The following PLEC variants were observed in gnomAD, a reference collection of about 807,000 sequenced individuals.
PLEC encodes plectin.
In PLEC, 216 loss-of-function variants were observed where a neutral mutation model predicts 392.8. The ratio of observed to expected loss-of-function variants is 0.55; its 90% CI spans 0.49 to 0.62. PLEC has a LOEUF of 0.62. PLEC is among the 20% of genes least tolerant of loss of function. The pLI is 0.00. For missense variants in PLEC, 6,863 were observed against 6,563.4 expected (o/e 1.05, Z -1.58); for synonymous variants, 3,621 against 2,980.6 (o/e 1.21, Z -7.00).
At position 143,921,894 on chromosome 8, in the gene PLEC, C is replaced by T. The variant is rs782555020; in HGVS notation, c.7927G>A (p.Glu2643Lys). ...CGCCGCAGGCCATCGAAGCTGTGCT[C>T]CGGCTCTGCCTCTGCCGCGGGGCCA... ...LDGPAAEAEP[E>K]HSFDGLRRKV... The change falls in exon 32 of 32, where the codon GAG (glutamate) becomes AAG (lysine). Residue 2643 changes from glutamate (E) to lysine (K), a missense_variant. By Grantham distance (56) the Glu-to-Lys change is moderately conservative. Coordinates refer to ENST00000345136, the MANE Select transcript of PLEC (RefSeq NM_201384.3). The T allele has an allele frequency of 2.5e-6, 4 of 1,600,514 alleles. No individual in the cohort carries two copies. The highest frequency in any genetic ancestry group is 1.3e-5 in the African/African-American group (1 of 74,934).
chr8:143,936,196 G>C (rs1829009375), intron 5 of PLEC, among the ~76,000 whole-genome samples, 182 bp from the exon 6 acceptor site: 1 of 152,138 alleles, frequency 6.6e-6, no homozygotes, highest in Admixed American at 6.5e-5. Context: ...GCTGGGACTG[G>C]CCATGCCTCG....
Position 143,929,736 on chromosome 8 carries a change from C to A in PLEC, c.2833G>T (p.Gly945Cys). The A allele has an allele frequency of 6.3e-7, 1 of 1,599,324 alleles. No homozygotes were observed. Among genetic ancestry groups the A allele is most frequent in the Non-Finnish European group, 8.5e-7 (1 of 1,179,028 alleles). Residue 945 changes from glycine (G) to cysteine (C), a missense_variant, in exon 23 of 32, where the codon GGC becomes TGC. Physicochemically the swap from Gly to Cys is radical, Grantham distance 159. Coordinates refer to ENST00000345136, the MANE Select transcript of PLEC (RefSeq NM_201384.3). ...ATCAGCCGGTCCTCGGGTCCGAAGC[C>A]GCCCGCGTCCTGGCTGTCCCGCAGG... Reference protein sequence around the residue: ...AFLRDSQDAGGFGPEDRLMAE... With the variant: ...AFLRDSQDAGCFGPEDRLMAE...
upstream of PLEC, chr8:143,942,417 G>A (rs1830659961): frequency 4.4e-6 from 7 of 1,606,556 alleles, no homozygotes; most frequent in Admixed American, 5.0e-5. Flanking sequence ...GCTGGTAGAG[G>A]TAGCCCCTGC....
rs1369858558 is a variant in PLEC, at chr8:143,927,529, G to A, written c.3637C>T (p.Arg1213Cys). 17 of 1,597,160 alleles carry A rather than the reference G, an allele frequency of 1.1e-5. No individual in the cohort carries two copies. The highest frequency in any genetic ancestry group is 3.3e-5 in the Admixed American group (2 of 59,832). The part of the protein sequence containing the change: ...EQLGRQLRYY[R>C]ESADPLGAWL... The stretch of plus-strand genomic sequence containing the variant: ...GCGCCCAAGGGGTCTGCACTCTCGC[G>A]GTAGTAACGCAGCTGGCGGCCCAGT... The change falls in exon 27 of 32, where the codon CGC (arginine) becomes TGC (cysteine). Residue 1213 changes from arginine to cysteine, a missense_variant. Transcript: ENST00000345136.
intron 31 of PLEC, 32 bp downstream of exon 31, chr8:143,922,472 C>T (rs1554689729): frequency 1.2e-6 from 2 of 1,602,958 alleles, no homozygotes; most frequent in Non-Finnish European, 1.7e-6. Context: ...TCCCCGGGCC[C>T]ACCCGCCCGT....
upstream of PLEC, among the ~76,000 whole-genome samples, chr8:143,956,780 A>G (rs1238335459): frequency 2.0e-5 from 3 of 152,182 alleles, no homozygotes; most frequent in Admixed American, 6.5e-5. Context: ...GCAAGTTCCC[A>G]TGAAGGAGCC....
Position 143,922,339 on chromosome 8 carries a change from G to T in PLEC, c.7482C>A (p.Ser2494Arg), listed in dbSNP as rs782036845. ...GCAGGCTGTCCTTTTCAGAGAGGAAGCTTTGCTGCAGGGCCTGCGTCTCCT... is the reference window on the plus strand; with the variant it reads ...GCAGGCTGTCCTTTTCAGAGAGGAATCTTTGCTGCAGGGCCTGCGTCTCCT... ...LLQETQALQQ[S>R]FLSEKDSLLQ... Residue 2494 changes from serine (S) to arginine (R), a missense_variant, in exon 32 of 32, where the codon AGC becomes AGA. Coordinates refer to ENST00000345136, the MANE Select transcript of PLEC (RefSeq NM_201384.3). 3.7e-6 allele frequency: 6 copies of T among 1,606,166 alleles called. No homozygotes were observed. Among genetic ancestry groups the T allele is most frequent in the Non-Finnish European group, 5.1e-6 (6 of 1,179,964 alleles).
intron 1 of PLEC, chr8:143,945,080 G>T: frequency 2.5e-6 from 1 of 403,050 alleles, no homozygotes; most frequent in Non-Finnish European, 4.8e-6. Context: ...TGCCAAGCCA[G>T]GGGGTGCTCT....
chr8:143,947,639 A>G (rs1245627260), intron 1 of PLEC, among the ~76,000 whole-genome samples: 1 of 151,636 alleles, frequency 6.6e-6, no homozygotes, highest in Non-Finnish European at 1.5e-5. Flanking sequence ...AATCCCAGCT[A>G]CTCAGGAGGC....
chr8:143,916,879 C>T lies in PLEC; in HGVS notation c.12942G>A (p.Ala4314=), dbSNP rs375246252. The change falls in exon 32 of 32, where the codon GCG becomes GCA. Residue 4314 remains alanine, a synonymous_variant. Transcript: ENST00000345136. ...CGATGATGCCCCCGGTGCAGGCCTG[C>T]GCCTCCAGCAGCCGCTGCCCCGTGA... ...DNITGQRLLE[A]QACTGGIIDP... is the part of the protein sequence containing the mutation. 6.5e-5 allele frequency: 104 copies of T among 1,608,796 alleles called. No homozygotes were observed. The highest frequency in any genetic ancestry group is 3.3e-4 in the Middle Eastern group (2 of 6,052).
chr8:143,940,407 A>C (rs1428520201), upstream of PLEC, among the ~76,000 whole-genome samples: 1 of 152,128 alleles, frequency 6.6e-6, no homozygotes, highest in African/African-American at 2.4e-5. Context: ...TGACTCACAG[A>C]GGGGAAGCCA....
intron 17 of PLEC, 31 bp downstream of exon 17, chr8:143,932,099 C>A (rs782419680): frequency 2.5e-6 from 4 of 1,588,698 alleles, no homozygotes; most frequent in Admixed American, 3.5e-5. Flanking sequence ...CGGCCCCCCC[C>A]GCAGCCCCGC....
In PLEC at chr8:143,939,390, G is replaced by T. The variant is rs782277051; in HGVS notation, c.72C>A (p.Asn24Lys). Residue 24 changes from asparagine to lysine, a missense_variant, in exon 1 of 32, where the codon AAC becomes AAA. Coordinates refer to ENST00000345136, the MANE Select transcript of PLEC (RefSeq NM_201384.3). ...LGRKRTSSEDNLYLAVLRASE... is the reference protein window; with the variant it reads ...LGRKRTSSEDKLYLAVLRASE... ...AGGCCCTGAGCACAGCCAGGTACAG[G>T]TTGTCCTCCGAGCTGGTTCTCTTTC... is the stretch of plus-strand genomic sequence containing the variant. The T allele has an allele frequency of 5.6e-5, 91 of 1,612,674 alleles. No individual in the cohort carries two copies. Among genetic ancestry groups the T allele is most frequent in the Non-Finnish European group, 4.4e-5 (52 of 1,179,802 alleles).
intron 25 of PLEC, 142 bp from the exon 26 acceptor site, chr8:143,928,134 G>T: frequency 9.8e-7 from 1 of 1,022,026 alleles, no homozygotes; most frequent in Non-Finnish European, 1.4e-6. Context: ...TGTGGTCAGA[G>T]GCTTGCTTCA....
At chr8:143,928,119 G>T in intron 25 of PLEC, 127 bp from the exon 26 acceptor site, 1 of 1,151,076 alleles carries the variant, frequency 8.7e-7, no homozygotes, top group Non-Finnish European at 1.2e-6. Context: ...GGGGTCAGCT[G>T]ACCCTGTGGT....
Position 143,919,365 on chromosome 8 carries a change from C to G in PLEC, c.10456G>C (p.Asp3486His). 6.2e-7 allele frequency: 1 copy of G among 1,613,844 alleles called. No individual in the cohort carries two copies. The highest frequency in any genetic ancestry group is 8.5e-7 in the Non-Finnish European group (1 of 1,180,032). The change falls in exon 32 of 32, where the codon GAC (aspartate) becomes CAC (histidine). Residue 3486 changes from aspartate (D) to histidine (H), a missense_variant. Physicochemically the swap from Asp to His is moderately conservative, Grantham distance 81. Coordinates refer to ENST00000345136, the MANE Select transcript of PLEC (RefSeq NM_201384.3). ...AAGTAGCCGCGCTGGTAGGCCACGTCCACAGGCACGCGGTGGCTGTGCACG... is the reference window on the plus strand; with the variant it reads ...AAGTAGCCGCGCTGGTAGGCCACGTGCACAGGCACGCGGTGGCTGTGCACG... ...DPVHSHRVPV[D>H]VAYQRGYFSE...
rs782604582 is a variant in PLEC, at chr8:143,918,521, G to A, written c.11300C>T (p.Ala3767Val). The change falls in exon 32 of 32, where the codon GCG becomes GTG. Residue 3767 changes from alanine to valine, a missense_variant. Ala to Val is a moderately conservative substitution (Grantham distance 64, BLOSUM62 0). Transcript: ENST00000345136. Reference protein sequence around the residue: ...LHDRLLSAERAVTGYRDPYTE... With the variant: ...LHDRLLSAERVVTGYRDPYTE... ...GTAGGGGTCACGGTAGCCGGTGACC[G>A]CCCGCTCAGCCGAGAGCAGGCGGTC... 1.9e-5 allele frequency: 30 copies of A among 1,607,146 alleles called. No individual in the cohort carries two copies. The highest frequency in any genetic ancestry group is 1.8e-4 in the East Asian group (8 of 44,750).
chr8:143,945,388 A>T (rs1420033310), intron 1 of PLEC: 1 of 324,904 alleles, frequency 3.1e-6, no homozygotes, highest in Non-Finnish European at 6.2e-6. Context: ...GGCCTGGGTC[A>T]GAGAGCCGGG....
chr8:143,972,918 TG>T (rs552131155), intron 1 of PLEC, among the ~76,000 whole-genome samples: 32 of 151,644 alleles, frequency 2.1e-4, no homozygotes, highest in Admixed American at 1.6e-3. Context: ...AGAAGGGGTG[TG>T]GGGGGGGTGC....
Sources: gnomAD v4.1 joint callset for allele counts (sites outside exome capture counted in the v4.1 genomes callset) on GRCh38, gnomAD v4.1.1 for gene constraint, MANE v1.5 for transcripts, NCBI Gene and HGNC (gene_info 2026-07-23, HGNC 2026-07-21) for gene names.